SHANK2: variants seen among roughly 807,000 people sequenced by gnomAD.
SHANK2 encodes the protein SH3 and multiple ankyrin repeat domains protein 2.
In SHANK2, 43 loss-of-function variants were observed where a neutral mutation model predicts 133.7. The observed-to-expected ratio is 0.32, with a 90% CI of 0.25 to 0.41. The LOEUF is 0.41. Among genes scored for constraint, SHANK2 ranks in the 10% least tolerant of loss-of-function variants. The pLI, the probability that SHANK2 is intolerant of heterozygous loss-of-function variation, is 1.00. For missense variants in SHANK2, 1,994 were observed against 2,235.8 expected (o/e 0.89, Z 2.18); for synonymous variants, 1,017 against 952.8 (o/e 1.07, Z -1.24).
chr11:71,201,738 A>C (rs1384465107), intron 2 of SHANK2, among the ~76,000 whole-genome samples: 1 of 152,160 alleles, frequency 6.6e-6, no homozygotes, highest in South Asian at 2.1e-4. Flanking sequence ...ACAGACTCCG[A>C]GGGTAGTGGG....
intron 15 of SHANK2, among the ~76,000 whole-genome samples, chr11:70,693,393 C>T (rs1210740388): frequency 6.6e-6 from 1 of 152,222 alleles, no homozygotes; most frequent in African/African-American, 2.4e-5. Context: ...CTCATCACCC[C>T]AGTGCTTCTG....
Position 70,698,759 on chromosome 11 carries a change from G to C in SHANK2, c.1782C>G (p.Thr594=), listed in dbSNP as rs112497741. 0.015 allele frequency: 10,973 copies of C among 718,592 alleles called. 114 individuals are homozygous for C. The highest frequency in any genetic ancestry group is 0.019 in the Non-Finnish European group (7,249 of 385,086). 44.5% of individuals were successfully genotyped at this position (718,592 alleles called of 1,614,324 possible). Residue 594 remains threonine, a synonymous_variant, in exon 15 of 26, where the codon ACC becomes ACG. Transcript: ENST00000601538. ...QCKPRDSQAE[T]RADRSKKLFR... is the part of the protein sequence containing the mutation. ...AAAGCTTCTTGCTGCGGTCAGCGCG[G>C]GTTTCTGTACAGAGAGGGAAGAGAA...
intron 17 of SHANK2, among the ~76,000 whole-genome samples, chr11:70,557,141 C>CT (rs1308979821): frequency 9.3e-5 from 12 of 129,628 alleles, no homozygotes; most frequent in Admixed American, 3.5e-4. Context: ...AGGCATTGCA[C>CT]TAAAAGCCTC....
chr11:71,057,914 G>GTTTTTTTTT (rs879235729), intron 9 of SHANK2, among the ~76,000 whole-genome samples: 2 of 121,126 alleles, frequency 1.7e-5, no homozygotes, highest in African/African-American at 7.2e-5. Context: ...AAGCAAAACG[G>GTTTTTTTTT]TTTTTTTTTT....
intron 11 of SHANK2, among the ~76,000 whole-genome samples, chr11:70,861,553 T>A (rs548889110): frequency 6.6e-6 from 1 of 151,920 alleles, no homozygotes; most frequent in African/African-American, 2.4e-5. Flanking sequence ...AAAGCAGTCT[T>A]TTTGGGTTAA....
Position 70,486,485 on chromosome 11 carries a change from G to T in SHANK2, c.3808C>A (p.Arg1270=), listed in dbSNP as rs548634941. 2 of 1,614,072 alleles carry T rather than the reference G, an allele frequency of 1.2e-6. No individual in the cohort carries two copies. Among genetic ancestry groups the T allele is most frequent in the Non-Finnish European group, 8.5e-7 (1 of 1,180,004 alleles). The change falls in exon 25 of 26, where the codon CGG becomes AGG. Residue 1270 remains arginine (R), a synonymous_variant. Transcript: ENST00000601538. The surrounding 1 kb of genome is among the most constrained non-coding windows in gnomAD (Gnocchi z 8.0). ...GFPTVTRQNT[R]GPLRRQETEN... ...GTCTCCTGCCGCCTCAGGGGTCCCC[G>T]GGTGTTCTGCCTGGTGACCGTAGGG...
At chr11:70,798,337 C>T in intron 14 of SHANK2, 106 bp downstream of exon 14, 1 of 686,640 alleles carries the variant, frequency 1.5e-6, no homozygotes, top group Non-Finnish European at 2.7e-6. Context: ...GCAACTCAGC[C>T]TCCCTCTACG....
At chr11:71,251,901 C>A (rs1948188233) in intron 1 of SHANK2, among the ~76,000 whole-genome samples, 1 of 151,846 alleles carries the variant, frequency 6.6e-6, no homozygotes, top group African/African-American at 2.4e-5. Flanking sequence ...GGGGACCTGG[C>A]GGCCACGGTT....
chr11:71,241,420 G>T (rs529079726), intron 1 of SHANK2, among the ~76,000 whole-genome samples: 2 of 152,066 alleles, frequency 1.3e-5, no homozygotes, highest in African/African-American at 4.8e-5. Flanking sequence ...CCACACAGGC[G>T]ACCCAAGGCC....
At chr11:70,952,654 C>T (rs377127341) in intron 10 of SHANK2, 15 of 296,534 alleles carry the variant, frequency 5.1e-5, no homozygotes, top group South Asian at 3.4e-4. Flanking sequence ...AGCAGAGACG[C>T]ACCCAAGCTG....
At chr11:70,897,640 T>G (rs1217278267) in intron 10 of SHANK2, among the ~76,000 whole-genome samples, 1 of 152,200 alleles carries the variant, frequency 6.6e-6, no homozygotes, top group Non-Finnish European at 1.5e-5. Context: ...CTTCCCAACA[T>G]GGGCTTACTT....
In SHANK2 at chr11:70,486,230, T is replaced by C; in HGVS notation, c.4063A>G (p.Thr1355Ala). Reference sequence around the variant, plus strand: ...GCGGAGATCTGTAAAGCACCTTCGGTTTCGGAAACACCTTCTGGCACCTCG... The same window carrying C: ...GCGGAGATCTGTAAAGCACCTTCGGCTTCGGAAACACCTTCTGGCACCTCG... ...PSEVPEGVSE[T>A]EGALQISAAP... Residue 1355 changes from threonine to alanine, a missense_variant, in exon 25 of 26, where the codon ACC becomes GCC. Physicochemically the swap from Thr to Ala is moderately conservative, Grantham distance 58. This residue lies in a region of SHANK2 where 797 missense variants were observed against 907.4 expected (regional missense o/e 0.88). Transcript: ENST00000601538. This position sits in a 1 kb window ranked among gnomAD's most constrained non-coding sequence, Gnocchi z 8.0. 1.9e-6 allele frequency: 3 copies of C among 1,613,878 alleles called. No homozygotes were observed. Among genetic ancestry groups the C allele is most frequent in the Non-Finnish European group, 2.5e-6 (3 of 1,179,972 alleles).
intron 17 of SHANK2, among the ~76,000 whole-genome samples, chr11:70,587,710 T>TA (rs1200854195): frequency 2.0e-5 from 3 of 150,246 alleles, no homozygotes; most frequent in Non-Finnish European, 3.0e-5. Flanking sequence ...TTTTTTTTTT[T>TA]TTTTTTTTTT....
At chr11:70,889,502 A>G (rs1949805973) in intron 11 of SHANK2, among the ~76,000 whole-genome samples, 1 of 152,172 alleles carries the variant, frequency 6.6e-6, no homozygotes, top group Non-Finnish European at 1.5e-5. Flanking sequence ...CCCACGAAAG[A>G]TGTGGATGAG....
chr11:70,654,790 C>T (rs562464558), intron 17 of SHANK2, among the ~76,000 whole-genome samples: 9 of 139,638 alleles, frequency 6.4e-5, no homozygotes, highest in East Asian at 2.2e-4. Flanking sequence ...TTTTTTGAGA[C>T]GGAGTTTTGC....
At chr11:71,168,984 A>T (rs185600758) in intron 2 of SHANK2, among the ~76,000 whole-genome samples, 2 of 152,338 alleles carry the variant, frequency 1.3e-5, no homozygotes, top group African/African-American at 4.8e-5. Context: ...GGAAGTACCA[A>T]ACTGAAGGTA....
At position 70,788,075 on chromosome 11, in the gene SHANK2, A is replaced by G. The variant is rs149352798; in HGVS notation, c.1777+10368T>C. On this transcript the variant is annotated intron_variant, in intron 14 of 25. Coordinates refer to ENST00000601538, the MANE Select transcript of SHANK2 (RefSeq NM_012309.5). ...CGTTACATGGCCTGCAGGATGGCGG[A>G]ACATGACTTACTCCAGTGCATACAT... 2.4e-3 allele frequency among the ~76,000 whole-genome samples: 367 copies of G among 152,332 alleles called. 1 individual carries two copies. Among genetic ancestry groups the G allele is most frequent in the African/African-American group, 8.1e-3 (338 of 41,570 alleles).
At chr11:70,615,329 C>T (rs1161623819) in intron 17 of SHANK2, among the ~76,000 whole-genome samples, 1 of 152,162 alleles carries the variant, frequency 6.6e-6, no homozygotes, top group Non-Finnish European at 1.5e-5. Context: ...GCCCAGTTCT[C>T]CCCTCTCTTT....
At chr11:70,815,068 C>A (rs896631858) in intron 12 of SHANK2, among the ~76,000 whole-genome samples, 8 of 152,258 alleles carry the variant, frequency 5.3e-5, no homozygotes, top group Admixed American at 3.9e-4. Flanking sequence ...CCAGAGGGCG[C>A]CCCCAGGGGC....
Sources: allele counts gnomAD v4.1 joint callset (sites outside exome capture counted in the v4.1 genomes callset), GRCh38; gene constraint gnomAD v4.1.1; regional missense constraint gnomAD v4.1.1; non-coding constraint Gnocchi (gnomAD v3.1); transcripts MANE v1.5; gene names NCBI Gene and HGNC (gene_info 2026-07-23, HGNC 2026-07-21).